Variants in CEP104 observed in about 807,000 individuals in gnomAD.
The protein encoded by CEP104 is centrosomal protein 104.
A neutral mutation model predicts 113.3 loss-of-function variants in CEP104; 84 were observed. The ratio of observed to expected loss-of-function variants is 0.74; its 90% confidence interval spans 0.62 to 0.89. CEP104 has a LOEUF of 0.89. CEP104 is among the 40% of genes least tolerant of loss of function. CEP104 has a pLI of 0.00. For synonymous variants in CEP104, 378 were observed against 421.7 expected, an observed-to-expected ratio of 0.90 and a Z score of 1.27; for missense variants, 1,053 against 1,156.6, an observed-to-expected ratio of 0.91 and a Z score of 1.30.
intron 12 of CEP104, chr1:3,833,542 A>C (rs1644255686): frequency 1.2e-5 from 3 of 242,248 alleles, no homozygotes; most frequent in Non-Finnish European, 2.4e-5. Context: ...TATTTCTATT[A>C]AGACAGTTAT....
At chr1:3,839,829 G>C (rs1644382365) in intron 6 of CEP104, 53 bp from the exon 7 acceptor site, 1 of 1,463,398 alleles carries the variant, frequency 6.8e-7, no homozygotes, top group Non-Finnish European at 9.4e-7. Flanking sequence ...TAGGAGTTCA[G>C]TGCTGAAGAT....
rs890515599 is a variant in CEP104 at position 3,837,365 on chromosome 1, G to A, written c.1046C>T (p.Ser349Phe). ...PFLQEKPSSY[S>F]LTISPQHSAV... ...AGAATGCTGAGGAGAAATAGTTAGAGAATATGATGAAGGCTTTTCCTGAAG... is the reference window on the plus strand; with the variant it reads ...AGAATGCTGAGGAGAAATAGTTAGAAAATATGATGAAGGCTTTTCCTGAAG... Residue 349 changes from serine to phenylalanine, a missense_variant, in exon 9 of 22, where the codon TCT becomes TTT. Physicochemically the swap from Ser to Phe is radical, Grantham distance 155 (BLOSUM62 -2). Transcript: ENST00000378230. 1.2e-5 allele frequency: 20 copies of A among 1,614,082 alleles called. No homozygotes were observed. Among genetic ancestry groups the A allele is most frequent in the Non-Finnish European group, 1.6e-5 (19 of 1,180,012 alleles).
Position 3,817,975 on chromosome 1 carries a change from C to T in CEP104, c.2572-1605G>A, listed in dbSNP as rs377341803. Among the ~76,000 whole-genome samples, 13 of 152,358 alleles carry T rather than the reference C, an allele frequency of 8.5e-5. No homozygotes were observed. The South Asian group carries it at 2.3e-3, about 27-fold the overall frequency. On this transcript the variant is annotated intron_variant, in intron 20 of 21. Transcript: ENST00000378230. ...ACCATTCTCAATCAGTCTCCGGCTG[C>T]GGACCCCAGGCACACGCGTGTGTGA...
chr1:3,833,423 C>T (rs980137995), intron 12 of CEP104, among the ~76,000 whole-genome samples: 4 of 152,170 alleles, frequency 2.6e-5, no homozygotes, highest in Non-Finnish European at 4.4e-5. Flanking sequence ...TAAAGATTTT[C>T]AAATTATGGT....
rs1644091292 is a variant in CEP104, at chr1:3,826,371, T to A, written c.2254A>T (p.Asn752Tyr). The change falls in exon 17 of 22, where the codon AAT becomes TAT. Residue 752 changes from asparagine to tyrosine, a missense_variant and splice_region_variant. Asn to Tyr is a moderately radical substitution (Grantham distance 143). Coordinates refer to ENST00000378230, the MANE Select transcript of CEP104 (RefSeq NM_014704.4). ...LGIPDEHYLDNLCIFCGERSE... is the reference protein window; with the variant it reads ...LGIPDEHYLDYLCIFCGERSE... ...TGGGTGGAAGACAGCGCGACTTACT[T>A]ATCTAGATAGTGCTCATCCGGGATT... 1.9e-6 allele frequency: 3 copies of A among 1,613,854 alleles called. No individual in the cohort carries two copies. The highest frequency in any genetic ancestry group is 2.5e-6 in the Non-Finnish European group (3 of 1,179,772).
At chr1:3,848,531 CAAAAAA>C in intron 3 of CEP104, 71 bp downstream of exon 3, 1 of 899,674 alleles carries the variant, frequency 1.1e-6, no homozygotes, top group East Asian at 3.0e-5. Context: ...GACTCCATCT[CAAAAAA>C]AAAAAAAAAA....
chr1:3,821,457 T>C (rs1404935773), intron 20 of CEP104, among the ~76,000 whole-genome samples: 2 of 152,246 alleles, frequency 1.3e-5, no homozygotes, highest in Non-Finnish European at 2.9e-5. Flanking sequence ...ACCTTCACTC[T>C]GCCTTTCCAA....
chr1:3,827,076 T>C (rs1644106439), intron 15 of CEP104, among the ~76,000 whole-genome samples: 1 of 152,116 alleles, frequency 6.6e-6, no homozygotes, highest in Non-Finnish European at 1.5e-5. Flanking sequence ...CACTTGAGCC[T>C]GGGAGGTGGA....
intron 12 of CEP104, chr1:3,833,572 T>G: frequency 3.3e-6 from 1 of 303,684 alleles, no homozygotes; most frequent in Admixed American, 4.5e-5. Context: ...TTCTTTACCC[T>G]CAGATTTTCT....
rs1393755159 is a variant in CEP104, at chr1:3,813,010, T to C, written c.*2392A>G. ...TAAGTTACAATATATAGAAGGCATG[T>C]GTATATGTGTGTATATATATATATA... is the stretch of plus-strand genomic sequence containing the variant. On this transcript the variant is annotated 3_prime_UTR_variant, in exon 22 of 22. Transcript: ENST00000378230. The C allele has an allele frequency of 1.3e-5, 2 of 151,982 alleles. No individual in the cohort carries two copies. The highest frequency in any genetic ancestry group is 4.8e-5 in the African/African-American group (2 of 41,362). 9.4% of individuals were successfully genotyped at this position (151,982 alleles called of 1,614,324 possible).
chr1:3,840,209 C>T (rs568385523), intron 6 of CEP104, among the ~76,000 whole-genome samples: 21 of 152,202 alleles, frequency 1.4e-4, no homozygotes, highest in South Asian at 2.1e-4. Flanking sequence ...GTCCAGGCGC[C>T]GTATTTTATA....
At chr1:3,850,968 T>C (rs531494245) in intron 2 of CEP104, among the ~76,000 whole-genome samples, 1 of 152,356 alleles carries the variant, frequency 6.6e-6, no homozygotes, top group South Asian at 2.1e-4. Flanking sequence ...ACAGGACCTC[T>C]GCAGAGGGAT....
rs1643810857 is a variant in CEP104, at chr1:3,812,385, C to T, written c.*3017G>A. ...CAGAACATACTCATGAGTGAAAATT[C>T]AATTAATTAGTATTCCTAATTTAGA... On this transcript the variant is annotated 3_prime_UTR_variant, in exon 22 of 22. Coordinates refer to ENST00000378230, the MANE Select transcript of CEP104 (RefSeq NM_014704.4). 1 of 151,910 alleles carries T rather than the reference C, an allele frequency of 6.6e-6. No individual in the cohort carries two copies. Among genetic ancestry groups the T allele is most frequent in the East Asian group, 1.9e-4 (1 of 5,190 alleles). The allele number at this position is 151,910 out of a possible 1,614,324, so 9.4% of individuals were successfully genotyped here.
intron 1 of CEP104, among the ~76,000 whole-genome samples, chr1:3,852,655 A>G (rs1321878149): frequency 1.3e-5 from 2 of 152,204 alleles, no homozygotes; most frequent in African/African-American, 4.8e-5. Context: ...TATGTGTCCA[A>G]AAAGTTTGAC....
At chr1:3,856,433 G>T (rs1342306721) in intron 1 of CEP104, among the ~76,000 whole-genome samples, 1 of 152,230 alleles carries the variant, frequency 6.6e-6, no homozygotes, top group East Asian at 1.9e-4. Flanking sequence ...GGGCTTCAGA[G>T]AAATCTGAAC....
At position 3,825,750 on chromosome 1, in the gene CEP104, G is replaced by T; in HGVS notation, c.2364+8C>A. The T allele has an allele frequency of 6.3e-7, 1 of 1,589,942 alleles. No individual in the cohort carries two copies. The highest frequency in any genetic ancestry group is 8.6e-7 in the Non-Finnish European group (1 of 1,157,976). On this transcript the variant is annotated splice_region_variant and intron_variant, in intron 18 of 21. Transcript: ENST00000378230. The stretch of plus-strand genomic sequence containing the variant: ...GCAAGTAGCTGGCTGCTGTGCCGCT[G>T]GCCTGACCTGTTTGCAGTGGTCACA...
intron 10 of CEP104, among the ~76,000 whole-genome samples, chr1:3,835,445 C>G (rs1392599559): frequency 1.3e-5 from 2 of 152,198 alleles, no homozygotes; most frequent in African/African-American, 4.8e-5. Context: ...GCTCGGCTCA[C>G]TGCAACCTCT....
chr1:3,834,047 G>A lies in CEP104; in HGVS notation c.1486-12C>T, dbSNP rs780001868. 3 of 1,608,292 alleles carry A rather than the reference G, an allele frequency of 1.9e-6. No homozygotes were observed. The Admixed American group carries it at 5.0e-5, about 27-fold the overall frequency. Reference sequence around the variant, plus strand: ...GAAGCCTGAAAAACCTAAGAGAAAAGTGATGAACACGGATGAGTTACTACG... The same window carrying A: ...GAAGCCTGAAAAACCTAAGAGAAAAATGATGAACACGGATGAGTTACTACG... On this transcript the variant is annotated splice_polypyrimidine_tract_variant and intron_variant, in intron 11 of 21. Transcript: ENST00000378230.
At position 3,847,523 on chromosome 1, in the gene CEP104, T is replaced by C; in HGVS notation, c.378A>G (p.Lys126=). 6.2e-7 allele frequency: 1 copy of C among 1,610,388 alleles called. No individual in the cohort carries two copies. Among genetic ancestry groups the C allele is most frequent in the South Asian group, 1.1e-5 (1 of 90,270 alleles). The change falls in exon 4 of 22, where the codon AAA becomes AAG. Residue 126 remains lysine, a synonymous_variant. Transcript: ENST00000378230. ...VYVDAVGQFL[K]LIFHQNHVNK... is the part of the protein sequence containing the mutation. ...TGACATGGTTTTGGTGAAAAATCAG[T>C]TTAAGAAATTGTCCTACTGCATCCA... is the stretch of plus-strand genomic sequence containing the variant.
Sources: gnomAD v4.1 joint callset for allele counts (sites outside exome capture counted in the v4.1 genomes callset) on GRCh38, gnomAD v4.1.1 for gene constraint, MANE v1.5 for transcripts, NCBI Gene and HGNC (gene_info 2026-07-23, HGNC 2026-07-21) for gene names.